Variants in COL5A2 observed in about 807,000 individuals in gnomAD.
COL5A2 encodes the protein collagen alpha-2(V) chain.
COL5A2 carries 23 observed loss-of-function variants against 208.2 expected under a neutral mutation model. The ratio of observed to expected loss-of-function variants is 0.11; its 90% confidence interval spans 0.08 to 0.16. The LOEUF (loss-of-function observed/expected upper bound fraction) is 0.16, where lower values mean the gene tolerates loss of function less well. Ranked by LOEUF, COL5A2 falls within the 10% of genes least tolerant of loss-of-function variation. The probability of loss-of-function intolerance (pLI) is 1.00; values close to 1 mark genes in which losing one functional copy is unlikely to be tolerated. For missense variants in COL5A2, 1,590 were observed against 1,956.4 expected (o/e 0.81, Z 3.53); for synonymous variants, 625 against 628.5 (o/e 0.99, Z 0.08).
the COL5A2 span, among the ~76,000 whole-genome samples, chr2:189,367,195 G>A: frequency 6.6e-6 from 1 of 152,002 alleles, no homozygotes; most frequent in Non-Finnish European, 1.5e-5. Context: ...CATACCCTAG[G>A]AGTATATCTG....
the COL5A2 span, among the ~76,000 whole-genome samples, chr2:189,433,272 C>G: frequency 6.6e-6 from 1 of 152,076 alleles, no homozygotes; most frequent in Non-Finnish European, 1.5e-5. Flanking sequence ...ATTAAAAGAA[C>G]TAGAGAAGCA....
In COL5A2 at chr2:189,097,497, C is replaced by T; in HGVS notation, c.403-167G>A. ...CATGTGCATATAAAAGTTCTGTACG[C>T]TTAGAAGCGTTGTTTATGTTATCAG... On this transcript the variant is annotated intron_variant, in intron 5 of 53. Coordinates refer to ENST00000374866, the MANE Select transcript of COL5A2 (RefSeq NM_000393.5). 3 of 736,674 alleles carry T rather than the reference C, an allele frequency of 4.1e-6. No homozygotes were observed. In the South Asian group the frequency reaches 4.5e-5, roughly 11 times the overall value. 45.6% of individuals were successfully genotyped at this position (736,674 alleles called of 1,614,324 possible). A position where few individuals can be genotyped will look rare whatever the true frequency, so the allele number is the denominator to read the frequency against.
chr2:189,086,696 C>G (rs1457031434), intron 9 of COL5A2, 30 bp downstream of exon 9: 27 of 1,536,630 alleles, frequency 1.8e-5, no homozygotes, highest in Non-Finnish European at 2.3e-5. Context: ...GTTTTTCTTA[C>G]AGCATGTAAT....
chr2:189,387,333 G>C, the COL5A2 span, among the ~76,000 whole-genome samples: 1 of 152,110 alleles, frequency 6.6e-6, no homozygotes, highest in African/African-American at 2.4e-5. Flanking sequence ...AGAGGAATGG[G>C]AGCAAGGGCT....
chr2:189,429,886 T>G, the COL5A2 span, among the ~76,000 whole-genome samples: 1 of 152,350 alleles, frequency 6.6e-6, no homozygotes, highest in African/African-American at 2.4e-5. Context: ...ATACTGACTG[T>G]AACATCGTTG....
chr2:189,241,369 T>C, the COL5A2 span, among the ~76,000 whole-genome samples: 241 of 152,266 alleles, frequency 1.6e-3, no homozygotes, highest in African/African-American at 5.3e-3. Flanking sequence ...CCAGGATCTA[T>C]AAAAATAAAA....
the COL5A2 span, among the ~76,000 whole-genome samples, chr2:189,266,136 A>AT: frequency 1.3e-5 from 2 of 152,144 alleles, no homozygotes; most frequent in African/African-American, 4.8e-5. Context: ...CATAAAAAAG[A>AT]TGTAAAATAG....
chr2:189,406,170 G>A, the COL5A2 span, among the ~76,000 whole-genome samples: 10 of 152,228 alleles, frequency 6.6e-5, no homozygotes, highest in African/African-American at 2.4e-4. Flanking sequence ...CCAAGTAACA[G>A]AAAAATATCA....
At chr2:189,425,293 T>C in the COL5A2 span, among the ~76,000 whole-genome samples, 3 of 152,056 alleles carry the variant, frequency 2.0e-5, no homozygotes, top group Non-Finnish European at 2.9e-5. Context: ...CAATATGGAG[T>C]TTCCTCAAAA....
intron 1 of COL5A2, among the ~76,000 whole-genome samples, chr2:189,206,219 T>C (rs917141271): frequency 3.3e-5 from 5 of 152,078 alleles, no homozygotes; most frequent in African/African-American, 1.2e-4. Flanking sequence ...CATAATCACA[T>C]AAACAAATGG....
At chr2:189,289,237 G>A in the COL5A2 span, among the ~76,000 whole-genome samples, 1 of 151,478 alleles carries the variant, frequency 6.6e-6, no homozygotes. Flanking sequence ...AGCTACTCAG[G>A]AGGCTGAGGC....
the COL5A2 span, among the ~76,000 whole-genome samples, chr2:189,314,342 T>C: frequency 6.6e-6 from 1 of 152,190 alleles, no homozygotes; most frequent in African/African-American, 2.4e-5. Flanking sequence ...AAATGACTTT[T>C]GGTTAAATAA....
chr2:189,083,010 G>T (rs1247086867), intron 12 of COL5A2, among the ~76,000 whole-genome samples: 1 of 152,142 alleles, frequency 6.6e-6, no homozygotes, highest in Non-Finnish European at 1.5e-5. Flanking sequence ...GCATTCATTT[G>T]TTTAAAACAT....
At chr2:189,117,137 A>G (rs1687407584) in intron 1 of COL5A2, among the ~76,000 whole-genome samples, 1 of 152,172 alleles carries the variant, frequency 6.6e-6, no homozygotes, top group African/African-American at 2.4e-5. Context: ...TCCATGTATC[A>G]TTGGGAAATC....
At chr2:189,375,025 T>G in the COL5A2 span, among the ~76,000 whole-genome samples, 2 of 151,624 alleles carry the variant, frequency 1.3e-5, no homozygotes, top group Non-Finnish European at 2.9e-5. Context: ...TATATCTTTT[T>G]TTTTTTTTTG....
At chr2:189,225,930 C>G (rs1405995719), upstream of COL5A2, among the ~76,000 whole-genome samples, 1 of 152,088 alleles carries the variant, frequency 6.6e-6, no homozygotes, top group East Asian at 1.9e-4. Flanking sequence ...GTTGAACTGC[C>G]TGTGTTTAAT....
At chr2:189,155,288 T>C (rs970749146) in intron 1 of COL5A2, among the ~76,000 whole-genome samples, 2 of 152,164 alleles carry the variant, frequency 1.3e-5, no homozygotes, top group African/African-American at 4.8e-5. Flanking sequence ...GCACTAGGCC[T>C]TTGGGAGATT....
intron 17 of COL5A2, among the ~76,000 whole-genome samples, chr2:189,072,765 CAAAAAAAAAAAA>C (rs58636533): frequency 3.4e-4 from 23 of 67,532 alleles, no homozygotes; most frequent in African/African-American, 1.3e-3. Context: ...ACTCCATCTC[CAAAAAAAAAAAA>C]AAAAAAAAAC....
chr2:189,143,240 T>C (rs1473474279), intron 1 of COL5A2, among the ~76,000 whole-genome samples: 3 of 152,192 alleles, frequency 2.0e-5, no homozygotes, highest in Non-Finnish European at 4.4e-5. Flanking sequence ...GCTCTCCTTG[T>C]CATACTATGA....
Sources: allele counts gnomAD v4.1 joint callset (sites outside exome capture counted in the v4.1 genomes callset), GRCh38; gene constraint gnomAD v4.1.1; transcripts MANE v1.5; gene names NCBI Gene and HGNC (gene_info 2026-07-23, HGNC 2026-07-21).